CYFIP2: variants seen among roughly 807,000 people sequenced by gnomAD.
CYFIP2 encodes cytoplasmic FMR1 interacting protein 2.
CYFIP2 carries 29 observed loss-of-function variants against 158.7 expected under a neutral mutation model. That is an observed-to-expected ratio of 0.18 (90% CI 0.14 to 0.25). CYFIP2 has a LOEUF of 0.25. Among genes scored for constraint, CYFIP2 ranks in the 10% least tolerant of loss-of-function variants. The probability of loss-of-function intolerance (pLI) is 1.00; values close to 1 mark genes in which losing one functional copy is unlikely to be tolerated. For missense variants in CYFIP2, 852 were observed against 1,639.5 expected (o/e 0.52, Z 8.29); for synonymous variants, 585 against 617.6 (o/e 0.95, Z 0.78).
At chr5:157,338,836 C>G (rs1264613786) in intron 21 of CYFIP2, among the ~76,000 whole-genome samples, 1 of 152,216 alleles carries the variant, frequency 6.6e-6, no homozygotes, top group Non-Finnish European at 1.5e-5. Context: ...TTGCCCTTAA[C>G]CTTCTGGGCC....
At chr5:157,389,477 C>T (rs1767047798) in intron 29 of CYFIP2, 50 bp downstream of exon 29, 1 of 1,467,444 alleles carries the variant, frequency 6.8e-7, no homozygotes, top group African/African-American at 1.4e-5. Flanking sequence ...GCCTGTGCTC[C>T]TGCAAGTCAT....
intron 26 of CYFIP2, among the ~76,000 whole-genome samples, chr5:157,377,961 G>A (rs1765651114): frequency 1.3e-5 from 2 of 152,232 alleles, no homozygotes; most frequent in Non-Finnish European, 2.9e-5. Context: ...AGATGGCTTA[G>A]TGGAAGCCCT....
intron 26 of CYFIP2, among the ~76,000 whole-genome samples, chr5:157,373,905 TAAAAA>T (rs1765224999): frequency 6.6e-6 from 1 of 152,086 alleles, no homozygotes; most frequent in South Asian, 2.1e-4. Context: ...AGCTAGCCAA[TAAAAA>T]GAAAAGAGGC....
Position 157,392,948 on chromosome 5 carries a change from A to G in CYFIP2, c.3710A>G (p.His1237Arg), listed in dbSNP as rs765181549. The G allele has an allele frequency of 6.2e-7, 1 of 1,613,972 alleles. No homozygotes were observed. Among genetic ancestry groups the G allele is most frequent in the Non-Finnish European group, 8.5e-7 (1 of 1,179,880 alleles). Residue 1237 changes from histidine to arginine, a missense_variant, in exon 31 of 31, where the codon CAT (histidine) becomes CGT (arginine). Transcript: ENST00000620254. Reference sequence around the variant, plus strand: ...GAGACAGACAGTTCCACTGTGGAGCATGTGCGCTGCTTCCAGCCACCCATC... The same window carrying G: ...GAGACAGACAGTTCCACTGTGGAGCGTGTGCGCTGCTTCCAGCCACCCATC... Reference protein sequence around the residue: ...SVETDSSTVEHVRCFQPPIHQ... With the variant: ...SVETDSSTVERVRCFQPPIHQ...
intron 24 of CYFIP2, among the ~76,000 whole-genome samples, chr5:157,359,852 C>T (rs763351928): frequency 1.3e-5 from 2 of 152,156 alleles, no homozygotes; most frequent in South Asian, 2.1e-4. Flanking sequence ...TGGGTTGTTA[C>T]AGATTGTGGA....
intron 3 of CYFIP2, among the ~76,000 whole-genome samples, chr5:157,287,569 T>C (rs1757492694): frequency 6.6e-6 from 1 of 152,206 alleles, no homozygotes; most frequent in Admixed American, 6.5e-5. Context: ...TTATTTTCTC[T>C]CTTAGAGTCT....
intron 14 of CYFIP2, among the ~76,000 whole-genome samples, chr5:157,320,391 C>T (rs1292424196): frequency 1.3e-5 from 2 of 152,198 alleles, no homozygotes; most frequent in East Asian, 1.9e-4. Context: ...CTGTCTCACT[C>T]GATGGGCTCA....
intron 23 of CYFIP2, among the ~76,000 whole-genome samples, chr5:157,351,903 A>T (rs1306202613): frequency 6.6e-6 from 1 of 152,174 alleles, no homozygotes; most frequent in East Asian, 1.9e-4. Flanking sequence ...ACATCAACTC[A>T]TTTGGAGAAA....
intron 16 of CYFIP2, among the ~76,000 whole-genome samples, chr5:157,324,374 G>C (rs141340780): frequency 2.2e-4 from 34 of 152,302 alleles, no homozygotes; most frequent in African/African-American, 7.9e-4. Context: ...CAGACACACG[G>C]ATGCTAGACT....
rs1166530738 is a variant in CYFIP2 at position 157,393,750 on chromosome 5, G to A, written c.*750G>A. The A allele has an allele frequency of 6.6e-6, 1 of 152,232 alleles. No homozygotes were observed. The highest frequency in any genetic ancestry group is 1.5e-5 in the Non-Finnish European group (1 of 68,084). 9.4% of individuals were successfully genotyped at this position (152,232 alleles called of 1,614,324 possible). ...TGCTTTCAGGCCATCTCAGCTGCTT[G>A]ATGGTGAGATGGTTCCCTTATTCCT... On this transcript the variant is annotated 3_prime_UTR_variant, in exon 31 of 31. Transcript: ENST00000620254.
intron 9 of CYFIP2, among the ~76,000 whole-genome samples, chr5:157,309,209 T>A (rs1759498571): frequency 6.6e-6 from 1 of 152,232 alleles, no homozygotes; most frequent in South Asian, 2.1e-4. Flanking sequence ...TAGTACCTAG[T>A]GCATGAGAAG....
rs1758612211 is a variant in CYFIP2 at position 157,300,085 on chromosome 5, C to T, written c.388-630C>T. ...CCTCTTTTCCTCTCTGCATGTCTCTCACTCTTGGTCTCTACCTTCTTATCG... is the reference window on the plus strand; with the variant it reads ...CCTCTTTTCCTCTCTGCATGTCTCTTACTCTTGGTCTCTACCTTCTTATCG... On this transcript the variant is annotated intron_variant, in intron 5 of 30. Transcript: ENST00000620254. Among the ~76,000 whole-genome samples, 3 of 152,194 alleles carry T rather than the reference C, an allele frequency of 2.0e-5. No homozygotes were observed. In the South Asian group the frequency reaches 6.2e-4, roughly 31 times the overall value.
intron 23 of CYFIP2, among the ~76,000 whole-genome samples, chr5:157,355,752 G>A (rs532005696): frequency 3.3e-5 from 5 of 152,334 alleles, no homozygotes; most frequent in South Asian, 2.1e-4. Flanking sequence ...GGGGACAAAC[G>A]AGAATGTGCT....
intron 26 of CYFIP2, among the ~76,000 whole-genome samples, chr5:157,381,121 A>G (rs1211532008): frequency 6.6e-6 from 1 of 152,180 alleles, no homozygotes; most frequent in Non-Finnish European, 1.5e-5. Context: ...ACGGACCTAT[A>G]TATCCGACCA....
intron 15 of CYFIP2, among the ~76,000 whole-genome samples, chr5:157,323,339 C>G (rs867185952): frequency 1.2e-4 from 19 of 152,192 alleles, no homozygotes; most frequent in Admixed American, 6.5e-5. Context: ...GGTCAAAACG[C>G]TGAGGGTCAG....
At chr5:157,365,197 G>T (rs1561769636) in intron 26 of CYFIP2, 1 of 152,268 alleles carries the variant, frequency 6.6e-6, no homozygotes, top group East Asian at 1.9e-4. Flanking sequence ...TACAAGGAAA[G>T]CACATTCATG....
intron 23 of CYFIP2, among the ~76,000 whole-genome samples, chr5:157,344,714 C>T (rs915652671): frequency 6.6e-6 from 1 of 152,228 alleles, no homozygotes; most frequent in Non-Finnish European, 1.5e-5. Context: ...TTGTCTTCCG[C>T]CTCTCCTCCC....
chr5:157,323,084 T>TTGAGGAGCCA, intron 15 of CYFIP2: 1 of 1,433,492 alleles, frequency 7.0e-7, no homozygotes, highest in Non-Finnish European at 9.5e-7. Flanking sequence ...TGGACTAGCC[T>TTGAGGAGCCA]GGCTCCTCAA....
At chr5:157,371,274 C>T (rs1076096) in intron 26 of CYFIP2, among the ~76,000 whole-genome samples, 55,291 of 151,990 alleles carry the variant, frequency 0.36, 11,096 homozygotes, top group African/African-American at 0.52. Flanking sequence ...GCTCCCCGTC[C>T]CCCTCCTGCC....
Sources: allele counts gnomAD v4.1 joint callset (sites outside exome capture counted in the v4.1 genomes callset), GRCh38; gene constraint gnomAD v4.1.1; transcripts MANE v1.5; gene names NCBI Gene and HGNC (gene_info 2026-07-23, HGNC 2026-07-21).